SORBS2: variants seen among roughly 807,000 people sequenced by gnomAD.
The protein encoded by SORBS2 is sorbin and SH3 domain-containing protein 2.
SORBS2 carries 46 observed loss-of-function variants against 97.7 expected under a neutral mutation model. That is an observed-to-expected ratio of 0.47 (90% CI 0.37 to 0.60). SORBS2 has a LOEUF of 0.60. Ranked by LOEUF, SORBS2 falls within the 20% of genes least tolerant of loss-of-function variation. The probability of loss-of-function intolerance (pLI) is 0.00; values close to 1 mark genes in which losing one functional copy is unlikely to be tolerated. For synonymous variants in SORBS2, 476 were observed against 473.4 expected (o/e 1.01, Z -0.07); for missense variants, 1,316 against 1,282.3 (o/e 1.03, Z -0.40).
intron 1 of SORBS2, among the ~76,000 whole-genome samples, chr4:185,794,317 A>C (rs1431946625): frequency 6.6e-6 from 1 of 152,182 alleles, no homozygotes; most frequent in Non-Finnish European, 1.5e-5. Context: ...GGCCCCACTG[A>C]TGAGTGTCTG....
rs1310006453 is a variant in SORBS2, at chr4:185,955,707, GTTCA to G, written c.-338+485_-338+488del. On this transcript the variant is annotated intron_variant, in intron 1 of 20. Coordinates refer to the SORBS2 transcript ENST00000284776. ...ATTAAGCACAGTGAAAATATGCAGT[GTTCA>G]TTTTTTATAAAACTTGTGTCCTAAG... is the stretch of plus-strand genomic sequence containing the variant. Among the ~76,000 whole-genome samples the G allele has an allele frequency of 2.0e-5, 3 of 152,160 alleles. No individual in the cohort carries two copies. The East Asian group carries it at 5.8e-4, about 29-fold the overall frequency.
chr4:185,620,186 T>C lies in SORBS2; in HGVS notation c.2216-35A>G, dbSNP rs572627687. ...AGAACAGGGCCAGTCATGGTGAGTA[T>C]CCACTTAATTACAAGCCAACCTGTT... is the stretch of plus-strand genomic sequence containing the variant. On this transcript the variant is annotated intron_variant, in intron 7 of 14. Transcript: ENST00000418609. The C allele has an allele frequency of 3.7e-6, 5 of 1,367,296 alleles. No homozygotes were observed. In the South Asian group the frequency reaches 5.9e-5, roughly 16 times the overall value. 84.7% of individuals were successfully genotyped at this position (1,367,296 alleles called of 1,614,324 possible).
chr4:185,845,208 C>G (rs1419437941), intron 1 of SORBS2, among the ~76,000 whole-genome samples: 1 of 151,936 alleles, frequency 6.6e-6, no homozygotes, highest in African/African-American at 2.4e-5. Context: ...TTTGTAGAGA[C>G]AGAGTCCCAC....
At chr4:185,687,708 C>T (rs1002422741) in intron 2 of SORBS2, among the ~76,000 whole-genome samples, 3 of 152,102 alleles carry the variant, frequency 2.0e-5, no homozygotes, top group Non-Finnish European at 2.9e-5. Flanking sequence ...TTAGGAAGCT[C>T]TAAGTCTTAG....
At chr4:185,594,307 C>A (rs546865127) in intron 12 of SORBS2, among the ~76,000 whole-genome samples, 11 of 152,144 alleles carry the variant, frequency 7.2e-5, no homozygotes, top group Non-Finnish European at 1.6e-4. Flanking sequence ...TATTCTCCAG[C>A]GTTTTCTCAA....
Position 185,791,026 on chromosome 4 carries a change from T to C in SORBS2, c.-337-15660A>G, listed in dbSNP as rs896861860. 3.9e-5 allele frequency among the ~76,000 whole-genome samples: 6 copies of C among 152,240 alleles called. No individual in the cohort carries two copies. In the East Asian group the frequency reaches 1.2e-3, roughly 29 times the overall value. On this transcript the variant is annotated intron_variant, in intron 1 of 20. Coordinates refer to the SORBS2 transcript ENST00000284776. The stretch of plus-strand genomic sequence containing the variant: ...AATAATAAAATATATGAATGTGCTT[T>C]TAAGAGCATGGCAATGTAGTGAGGC...
At chr4:185,641,821 T>C (rs756276484) in intron 4 of SORBS2, among the ~76,000 whole-genome samples, 2 of 151,284 alleles carry the variant, frequency 1.3e-5, no homozygotes, top group African/African-American at 4.9e-5. Context: ...TAGTCATCAG[T>C]GCAAGAGGAC....
chr4:185,844,470 T>A (rs549097793), intron 1 of SORBS2, among the ~76,000 whole-genome samples: 14 of 152,256 alleles, frequency 9.2e-5, no homozygotes, highest in African/African-American at 2.9e-4. Flanking sequence ...AAATAACAGA[T>A]GTTGCTAAGG....
At chr4:185,665,606 A>T in intron 4 of SORBS2, 1 of 244,660 alleles carries the variant, frequency 4.1e-6, no homozygotes, top group Non-Finnish European at 6.6e-6. Context: ...TTTCCCTGAC[A>T]GATGGCATAG....
chr4:185,792,843 C>T (rs2099087229), intron 1 of SORBS2, among the ~76,000 whole-genome samples: 1 of 152,146 alleles, frequency 6.6e-6, no homozygotes, highest in South Asian at 2.1e-4. Context: ...GTCTAGAAAA[C>T]TGTTGACAGT....
chr4:185,659,647 T>C (rs1057268832), upstream of SORBS2, among the ~76,000 whole-genome samples: 1 of 152,018 alleles, frequency 6.6e-6, no homozygotes, highest in African/African-American at 2.4e-5. Flanking sequence ...GGCCTCGATC[T>C]CCTGACCTCG....
intron 1 of SORBS2, among the ~76,000 whole-genome samples, chr4:185,785,796 G>C (rs1021186412): frequency 2.0e-5 from 3 of 152,232 alleles, no homozygotes; most frequent in African/African-American, 4.8e-5. Context: ...GGAGAATCAA[G>C]AGTTCTGAGT....
intron 1 of SORBS2, among the ~76,000 whole-genome samples, chr4:185,866,407 T>C (rs2099226906): frequency 6.6e-6 from 1 of 152,228 alleles, no homozygotes; most frequent in African/African-American, 2.4e-5. Context: ...TTTACTTAAA[T>C]AGAACTGTCC....
At chr4:185,860,170 G>A (rs1428075011) in intron 1 of SORBS2, among the ~76,000 whole-genome samples, 1 of 152,156 alleles carries the variant, frequency 6.6e-6, no homozygotes, top group Non-Finnish European at 1.5e-5. Flanking sequence ...GCAAGAGAAA[G>A]AAAACTGGCT....
At chr4:185,953,043 G>T (rs545925525) in intron 1 of SORBS2, among the ~76,000 whole-genome samples, 2 of 152,174 alleles carry the variant, frequency 1.3e-5, no homozygotes, top group African/African-American at 4.8e-5. Flanking sequence ...GGCCGGGCGC[G>T]GTGGCTCACG....
intron 1 of SORBS2, among the ~76,000 whole-genome samples, chr4:185,886,122 A>G (rs533344323): frequency 2.6e-5 from 4 of 152,336 alleles, no homozygotes; most frequent in African/African-American, 9.6e-5. Context: ...AAAACGATGG[A>G]CTGACTGAGA....
intron 9 of SORBS2, among the ~76,000 whole-genome samples, chr4:185,615,463 G>C (rs1027562908): frequency 6.6e-6 from 1 of 151,468 alleles, no homozygotes; most frequent in African/African-American, 2.4e-5. Context: ...CATTAGTTCA[G>C]AGAAGAGGCA....
intron 4 of SORBS2, among the ~76,000 whole-genome samples, chr4:185,672,248 T>C (rs2097724216): frequency 6.6e-6 from 1 of 152,222 alleles, no homozygotes; most frequent in Admixed American, 6.5e-5. Flanking sequence ...CCCTTCTACA[T>C]GACAGTCGGG....
chr4:185,906,407 A>G (rs2099250856), intron 1 of SORBS2, among the ~76,000 whole-genome samples: 1 of 152,170 alleles, frequency 6.6e-6, no homozygotes, highest in Non-Finnish European at 1.5e-5. Flanking sequence ...AAACTGGGAA[A>G]ATTTTATTTA....
Sources: gnomAD v4.1 joint callset for allele counts (sites outside exome capture counted in the v4.1 genomes callset) on GRCh38, gnomAD v4.1.1 for gene constraint, MANE v1.5 for transcripts, NCBI Gene and HGNC (gene_info 2026-07-23, HGNC 2026-07-21) for gene names.